THNSL1: variants seen among roughly 807,000 people sequenced by gnomAD.
THNSL1 encodes threonine synthase like 1.
Under a neutral mutation model 50.4 loss-of-function variants are expected in THNSL1, and 48 were observed. That is an observed-to-expected ratio of 0.95 (90% CI 0.76 to 1.21). The LOEUF (loss-of-function observed/expected upper bound fraction) is 1.21. Ranked by LOEUF, THNSL1 falls within the 50% of genes most tolerant of loss-of-function variation. THNSL1 has a pLI of 0.00. For synonymous variants in THNSL1, 309 were observed against 306.1 expected (o/e 1.01, Z -0.10); for missense variants, 896 against 871.7 (o/e 1.03, Z -0.35).
At chr10:24,996,924 A>T in the THNSL1 span, among the ~76,000 whole-genome samples, 1 of 152,228 alleles carries the variant, frequency 6.6e-6, no homozygotes, top group South Asian at 2.1e-4. Flanking sequence ...AGGTCATTAG[A>T]GAAGGCGCTG....
the THNSL1 span, among the ~76,000 whole-genome samples, chr10:25,001,023 A>G: frequency 6.6e-6 from 1 of 152,032 alleles, no homozygotes; most frequent in African/African-American, 2.4e-5. Context: ...GTGTTGTAAT[A>G]TATTTTACTT....
the THNSL1 span, among the ~76,000 whole-genome samples, chr10:24,967,786 C>CGTATGATGTGT: frequency 4.7e-5 from 7 of 149,838 alleles, no homozygotes; most frequent in Non-Finnish European, 1.0e-4. Flanking sequence ...TATGTATGTG[C>CGTATGATGTGT]GTATGATGTG....
chr10:25,025,340 A>G lies in THNSL1; in HGVS notation c.2117A>G (p.Glu706Gly). ...GSYNALPPLH[E>G]ALLERTKQQE... ...TACAATGCATTACCTCCACTGCATG[A>G]GGCTTTATTAGAGAGAACAAAACAG... The change falls in exon 3 of 3, where the codon GAG (glutamate) becomes GGG (glycine). Residue 706 changes from glutamate to glycine, a missense_variant. Glu to Gly is a moderately conservative substitution (Grantham distance 98). Transcript: ENST00000376356. The G allele has an allele frequency of 6.2e-7, 1 of 1,614,222 alleles. No homozygotes were observed. Among genetic ancestry groups the G allele is most frequent in the Non-Finnish European group, 8.5e-7 (1 of 1,180,038 alleles).
At chr10:24,972,691 GC>G in the THNSL1 span, among the ~76,000 whole-genome samples, 2 of 152,236 alleles carry the variant, frequency 1.3e-5, no homozygotes, top group Admixed American at 1.3e-4. Context: ...GGAGTTGGTA[GC>G]TTGGAATAAA....
At chr10:25,019,838 T>A (rs2132745646) in intron 1 of THNSL1, among the ~76,000 whole-genome samples, 1 of 152,360 alleles carries the variant, frequency 6.6e-6, no homozygotes, top group South Asian at 2.1e-4. Flanking sequence ...GAACCATTTT[T>A]ATGATCATTC....
Position 25,025,501 on chromosome 10 carries a change from A to G in THNSL1, c.*46A>G. 1 of 1,524,816 alleles carries G rather than the reference A, an allele frequency of 6.6e-7. No homozygotes were observed. The highest frequency in any genetic ancestry group is 8.8e-7 in the Non-Finnish European group (1 of 1,130,630). 94.5% of individuals were successfully genotyped at this position (1,524,816 alleles called of 1,614,324 possible). ...TTTTTCTAGCTATAAGCATGCAATA[A>G]TAAATCTCAAACACTGATTTGGAGT... On this transcript the variant is annotated 3_prime_UTR_variant, in exon 3 of 3. Transcript: ENST00000376356.
At chr10:24,994,941 G>A in the THNSL1 span, among the ~76,000 whole-genome samples, 4 of 152,044 alleles carry the variant, frequency 2.6e-5, no homozygotes, top group South Asian at 2.1e-4. Flanking sequence ...AGAATCACTC[G>A]AGCCGGAAGT....
chr10:25,004,512 C>G, the THNSL1 span, among the ~76,000 whole-genome samples: 1 of 152,114 alleles, frequency 6.6e-6, no homozygotes, highest in Non-Finnish European at 1.5e-5. Flanking sequence ...CTCTAATGAT[C>G]AGTGATGTTA....
the THNSL1 span, among the ~76,000 whole-genome samples, chr10:25,008,304 G>A: frequency 6.6e-6 from 1 of 152,104 alleles, no homozygotes; most frequent in African/African-American, 2.4e-5. Context: ...AATTAAAAAG[G>A]GTTACTGTTT....
At chr10:24,973,011 C>T in the THNSL1 span, among the ~76,000 whole-genome samples, 2 of 152,036 alleles carry the variant, frequency 1.3e-5, no homozygotes, top group African/African-American at 4.8e-5. Flanking sequence ...AATGAGCAGC[C>T]ACTAATAATA....
rs780289017 is a variant in THNSL1, at chr10:25,023,340, T to G, written c.117T>G (p.Leu39=). The change falls in exon 3 of 3, where the codon CTT becomes CTG. Residue 39 remains leucine (L), a synonymous_variant. Transcript: ENST00000376356. ...AQRFLSRTFA[L]AELRKSWYST... ...GATTTCTTTCAAGAACCTTTGCACTTGCGGAATTGAGGAAGTCATGGTATT... is the reference window on the plus strand; with the variant it reads ...GATTTCTTTCAAGAACCTTTGCACTGGCGGAATTGAGGAAGTCATGGTATT... The G allele has an allele frequency of 1.9e-6, 3 of 1,614,154 alleles. No homozygotes were observed. In the East Asian group the frequency reaches 6.7e-5, roughly 36 times the overall value.
At chr10:24,972,608 A>T in the THNSL1 span, among the ~76,000 whole-genome samples, 5 of 152,220 alleles carry the variant, frequency 3.3e-5, no homozygotes, top group African/African-American at 1.2e-4. Context: ...AACTGAGCAG[A>T]GTGGCAGAAT....
the THNSL1 span, among the ~76,000 whole-genome samples, chr10:24,973,196 C>T: frequency 6.6e-6 from 1 of 152,108 alleles, no homozygotes. Context: ...GCATATCCGA[C>T]TTGCCAGCAG....
chr10:25,017,962 G>A (rs1226194432), intron 1 of THNSL1, among the ~76,000 whole-genome samples: 3 of 152,168 alleles, frequency 2.0e-5, no homozygotes, highest in African/African-American at 7.2e-5. Flanking sequence ...TAATTAGAAG[G>A]AACACCTTGA....
At chr10:24,963,255 CTG>C in the THNSL1 span, among the ~76,000 whole-genome samples, 1 of 152,224 alleles carries the variant, frequency 6.6e-6, no homozygotes, top group Non-Finnish European at 1.5e-5. Flanking sequence ...TACCTGGACT[CTG>C]TACTCATTAC....
chr10:24,992,878 C>T, the THNSL1 span, among the ~76,000 whole-genome samples: 3 of 152,148 alleles, frequency 2.0e-5, no homozygotes, highest in Non-Finnish European at 4.4e-5. Flanking sequence ...TGAGACAGGC[C>T]AATCCACTTC....
At chr10:24,988,062 A>T in the THNSL1 span, among the ~76,000 whole-genome samples, 2 of 151,618 alleles carry the variant, frequency 1.3e-5, no homozygotes, top group African/African-American at 4.9e-5. Flanking sequence ...CTTTACTAAA[A>T]AATACAAAAA....
intron 1 of THNSL1, among the ~76,000 whole-genome samples, chr10:25,019,761 T>C: frequency 6.6e-6 from 1 of 152,184 alleles, no homozygotes; most frequent in East Asian, 1.9e-4. Flanking sequence ...GTTAAACACA[T>C]GAAAGAGAAG....
At chr10:24,986,351 C>G in the THNSL1 span, among the ~76,000 whole-genome samples, 1 of 152,126 alleles carries the variant, frequency 6.6e-6, no homozygotes, top group South Asian at 2.1e-4. Flanking sequence ...AATTATGAGG[C>G]CTTCTTGAGT....
Sources: gnomAD v4.1 joint callset for allele counts (sites outside exome capture counted in the v4.1 genomes callset) on GRCh38, gnomAD v4.1.1 for gene constraint, MANE v1.5 for transcripts, NCBI Gene and HGNC (gene_info 2026-07-23, HGNC 2026-07-21) for gene names.